Variants in GALNTL6 observed in about 807,000 individuals in gnomAD.
GALNTL6 encodes polypeptide N-acetylgalactosaminyltransferase like 6.
A neutral mutation model predicts 73.7 loss-of-function variants in GALNTL6; 46 were observed. That is an observed-to-expected ratio of 0.62 (90% CI 0.49 to 0.80). The LOEUF (loss-of-function observed/expected upper bound fraction) is 0.80. Among genes scored for constraint, GALNTL6 ranks in the 30% least tolerant of loss-of-function variants. GALNTL6 has a pLI of 0.00. For missense variants in GALNTL6, 604 were observed against 755.0 expected, an observed-to-expected ratio of 0.80 and a Z score of 2.34; for synonymous variants, 259 against 263.7, an observed-to-expected ratio of 0.98 and a Z score of 0.17.
chr4:172,341,319 C>T (rs962534195), intron 4 of GALNTL6, among the ~76,000 whole-genome samples: 1 of 149,642 alleles, frequency 6.7e-6, no homozygotes, highest in African/African-American at 2.5e-5. Flanking sequence ...GGCGTAGTGG[C>T]GGGCGCCTGT....
intron 12 of GALNTL6, among the ~76,000 whole-genome samples, chr4:173,021,870 G>A (rs1753005014): frequency 6.6e-6 from 1 of 151,820 alleles, no homozygotes; most frequent in Non-Finnish European, 1.5e-5. Context: ...ATGGGTGCCT[G>A]TAATCCCAGC....
intron 2 of GALNTL6, among the ~76,000 whole-genome samples, chr4:171,970,837 T>C (rs1349437501): frequency 6.6e-6 from 1 of 152,162 alleles, no homozygotes; most frequent in African/African-American, 2.4e-5. Flanking sequence ...ATTTACAAAA[T>C]AACTTATTTT....
chr4:172,343,746 C>A (rs1482947265), intron 4 of GALNTL6, among the ~76,000 whole-genome samples: 1 of 151,904 alleles, frequency 6.6e-6, no homozygotes, highest in African/African-American at 2.4e-5. Context: ...AGTTTCATTA[C>A]TGTGAAAGAC....
intron 2 of GALNTL6, among the ~76,000 whole-genome samples, chr4:171,960,413 T>C (rs867025143): frequency 2.6e-5 from 4 of 151,344 alleles, no homozygotes; most frequent in South Asian, 4.2e-4. Context: ...AGTAACAGGG[T>C]TTTACAGGCA....
intron 3 of GALNTL6, among the ~76,000 whole-genome samples, chr4:172,309,344 C>T (rs977548785): frequency 6.6e-6 from 1 of 151,514 alleles, no homozygotes; most frequent in South Asian, 2.1e-4. Flanking sequence ...TCTAGTAATA[C>T]AAAATGAATA....
intron 5 of GALNTL6, among the ~76,000 whole-genome samples, chr4:172,645,871 C>T (rs1740220414): frequency 6.6e-6 from 1 of 151,788 alleles, no homozygotes; most frequent in African/African-American, 2.4e-5. Context: ...CTTATCAAGG[C>T]CTGTTTGTTT....
At chr4:173,008,937 A>T (rs150665162) in intron 10 of GALNTL6, among the ~76,000 whole-genome samples, 1,818 of 152,364 alleles carry the variant, frequency 0.012, 6 homozygotes, top group South Asian at 0.025. Context: ...CAGACTGATT[A>T]ATATTGAATT....
At chr4:172,543,874 A>G (rs1006246581) in intron 5 of GALNTL6, among the ~76,000 whole-genome samples, 1 of 152,198 alleles carries the variant, frequency 6.6e-6, no homozygotes. Flanking sequence ...CTATTACTTT[A>G]CATTCTGGAG....
intron 2 of GALNTL6, among the ~76,000 whole-genome samples, chr4:171,961,785 G>T (rs978684350): frequency 6.6e-6 from 1 of 152,082 alleles, no homozygotes; most frequent in African/African-American, 2.4e-5. Context: ...TAAAAATCTG[G>T]ATCAATATTC....
At chr4:172,154,313 A>G (rs1734190908) in intron 2 of GALNTL6, among the ~76,000 whole-genome samples, 1 of 151,402 alleles carries the variant, frequency 6.6e-6, no homozygotes, top group African/African-American at 2.4e-5. Flanking sequence ...GCTCACCACA[A>G]CCTCTGCCTC....
chr4:172,265,594 A>G (rs1168787471), intron 3 of GALNTL6, among the ~76,000 whole-genome samples: 1 of 152,098 alleles, frequency 6.6e-6, no homozygotes, highest in Admixed American at 6.6e-5. Context: ...TCTTATTGTC[A>G]CCAATCAGAA....
In GALNTL6 at chr4:172,662,986, C is replaced by G. The variant is rs79698850; in HGVS notation, c.554-146375C>G. ...CCATTTGAACATCTGGAGAAAGAGCCTGCTGGGCAGGGGAGAAGAAGTACA... is the reference window on the plus strand; with the variant it reads ...CCATTTGAACATCTGGAGAAAGAGCGTGCTGGGCAGGGGAGAAGAAGTACA... On this transcript the variant is annotated intron_variant, in intron 5 of 12. Coordinates refer to ENST00000506823, the MANE Select transcript of GALNTL6 (RefSeq NM_001034845.3). 9.1e-3 allele frequency among the ~76,000 whole-genome samples: 1,385 copies of G among 152,216 alleles called. 23 individuals carry two copies. Among genetic ancestry groups the G allele is most frequent in the African/African-American group, 0.032 (1,312 of 41,524 alleles).
intron 8 of GALNTL6, among the ~76,000 whole-genome samples, chr4:172,912,824 T>C (rs1747285891): frequency 6.6e-6 from 1 of 152,198 alleles, no homozygotes; most frequent in South Asian, 2.1e-4. Context: ...CAGAAACTTC[T>C]GCAGACTTAA....
intron 5 of GALNTL6, among the ~76,000 whole-genome samples, chr4:172,460,531 A>G (rs1183498240): frequency 6.6e-6 from 1 of 152,182 alleles, no homozygotes; most frequent in African/African-American, 2.4e-5. Context: ...AAAGAAAAAG[A>G]CAACCCCATC....
At chr4:173,015,695 C>G (rs1403246536) in intron 11 of GALNTL6, among the ~76,000 whole-genome samples, 12 of 152,098 alleles carry the variant, frequency 7.9e-5, no homozygotes, top group Middle Eastern at 3.4e-3. Flanking sequence ...CAGGAGGAAG[C>G]AGAGCACAAA....
At chr4:171,897,086 C>T (rs543651706) in intron 2 of GALNTL6, among the ~76,000 whole-genome samples, 6 of 151,448 alleles carry the variant, frequency 4.0e-5, no homozygotes, top group African/African-American at 1.5e-4. Context: ...CTAAATAAAT[C>T]AGAAAAAGAA....
chr4:172,654,607 G>C (rs1730885809), intron 5 of GALNTL6, among the ~76,000 whole-genome samples: 1 of 152,088 alleles, frequency 6.6e-6, no homozygotes, highest in Non-Finnish European at 1.5e-5. Flanking sequence ...GGGCAATCTG[G>C]AAATAAAATA....
chr4:172,195,798 G>T (rs926832243), intron 2 of GALNTL6, among the ~76,000 whole-genome samples: 1 of 152,028 alleles, frequency 6.6e-6, no homozygotes, highest in South Asian at 2.1e-4. Flanking sequence ...AGTGTTAAGA[G>T]GAAAATTTAT....
At chr4:172,143,367 T>A (rs1733849091) in intron 2 of GALNTL6, among the ~76,000 whole-genome samples, 1 of 152,056 alleles carries the variant, frequency 6.6e-6, no homozygotes, top group African/African-American at 2.4e-5. Flanking sequence ...ATTTGAATTT[T>A]TAAATTATAT....
Sources: allele counts gnomAD v4.1 joint callset (sites outside exome capture counted in the v4.1 genomes callset), GRCh38; gene constraint gnomAD v4.1.1; transcripts MANE v1.5; gene names NCBI Gene and HGNC (gene_info 2026-07-23, HGNC 2026-07-21).